HLA-DOB: variants seen among roughly 807,000 people sequenced by gnomAD.
The protein encoded by HLA-DOB is HLA class II histocompatibility antigen, DO beta chain.
A neutral mutation model predicts 27.7 loss-of-function variants in HLA-DOB; 25 were observed. That is an observed-to-expected ratio of 0.90 (90% CI 0.66 to 1.26). HLA-DOB has a LOEUF of 1.26. Ranked by LOEUF, HLA-DOB falls within the 50% of genes most tolerant of loss-of-function variation. HLA-DOB has a pLI of 0.00. For missense variants in HLA-DOB, 306 were observed against 324.9 expected (o/e 0.94, Z 0.45); for synonymous variants, 137 against 125.6 (o/e 1.09, Z -0.61).
intron 1 of HLA-DOB, among the ~76,000 whole-genome samples, chr6:32,816,038 A>G (rs1768005952): frequency 6.6e-6 from 1 of 152,104 alleles, no homozygotes; most frequent in South Asian, 2.1e-4. Flanking sequence ...ATTTTTCATC[A>G]TCATTTAACA....
At chr6:32,815,791 A>G (rs1188790696) in intron 1 of HLA-DOB, among the ~76,000 whole-genome samples, 2 of 152,262 alleles carry the variant, frequency 1.3e-5, no homozygotes, top group African/African-American at 4.8e-5. Context: ...AAGACATTGC[A>G]TCTAAGTCAA....
At position 32,813,241 on chromosome 6, in the gene HLA-DOB, G is replaced by C. The variant is rs1490516525; in HGVS notation, c.797C>G (p.Ala266Gly). 1.2e-6 allele frequency: 2 copies of C among 1,613,030 alleles called. No homozygotes were observed. Among genetic ancestry groups the C allele is most frequent in the Non-Finnish European group, 1.7e-6 (2 of 1,179,980 alleles). Residue 266 changes from alanine (A) to glycine (G), a missense_variant, in exon 6 of 6, where the codon GCT (alanine) becomes GGT (glycine). Coordinates refer to ENST00000438763, the MANE Select transcript of HLA-DOB (RefSeq NM_002120.4). ...TQMSGNEVSR[A>G]VLLPQSC ...TTAGCATGACTGAGGGAGCAGAACA[G>C]CTCTTGAGACCTGGAGGCACAGTGA...
At chr6:32,813,684 C>T (rs2127323491) in intron 4 of HLA-DOB, 39 bp downstream of exon 4, 1 of 1,360,372 alleles carries the variant, frequency 7.4e-7, no homozygotes, top group Middle Eastern at 1.8e-4. Flanking sequence ...TGGGGAAGGT[C>T]TGGGACAGGT....
At chr6:32,813,671 G>A (rs1185153165) in intron 4 of HLA-DOB, 52 bp downstream of exon 4, 9 of 1,240,536 alleles carry the variant, frequency 7.3e-6, no homozygotes, top group Non-Finnish European at 1.0e-5. Context: ...GGGAAGGTGG[G>A]AGTGGGGAAG....
Position 32,814,595 on chromosome 6 carries a change from G to C in HLA-DOB, c.368C>G (p.Pro123Arg). Residue 123 changes from proline to arginine, a missense_variant, in exon 3 of 6, where the codon CCA becomes CGA. By Grantham distance (103) the Pro-to-Arg change is moderately radical. Transcript: ENST00000438763. ...APFTVGRKVQ[P>R]EVTVYPERTP... ...CCTCTCTGGGTACACTGTCACCTCT[G>C]GTTGCACTAGGAAGGGAGGAAAAAT... The C allele has an allele frequency of 6.2e-7, 1 of 1,611,172 alleles. No individual in the cohort carries two copies. The highest frequency in any genetic ancestry group is 1.1e-5 in the South Asian group (1 of 91,044).
rs1467359426 is a variant in HLA-DOB at position 32,814,383 on chromosome 6, C to G, written c.580G>C (p.Gly194Arg). 6.2e-7 allele frequency: 1 copy of G among 1,612,864 alleles called. No homozygotes were observed. Among genetic ancestry groups the G allele is most frequent in the African/African-American group, 1.3e-5 (1 of 74,890 alleles). The change falls in exon 3 of 6, where the codon GGA becomes CGA. Residue 194 changes from glycine to arginine, a missense_variant. Transcript: ENST00000438763. ...TCGACAAGGCAGGTGTAGACATGTC[C>G]AAGTTCAGGAGTCATTTCTAGCATC... Reference protein sequence around the residue: ...VVMLEMTPELGHVYTCLVDHS... With the variant: ...VVMLEMTPELRHVYTCLVDHS...
chr6:32,815,212 G>T lies in HLA-DOB; in HGVS notation c.193C>A (p.Arg65Ser), dbSNP rs147835586. Reference sequence around the variant, plus strand: ...AACATCCCCACATCACTGTCGAAACGTACATACTCCTCCAAGTTAAAGATG... The same window carrying T: ...AACATCCCCACATCACTGTCGAAACTTACATACTCCTCCAAGTTAAAGATG... ...RFIFNLEEYVRFDSDVGMFVA... is the reference protein window; with the variant it reads ...RFIFNLEEYVSFDSDVGMFVA... The change falls in exon 2 of 6, where the codon CGT becomes AGT. Residue 65 changes from arginine to serine, a missense_variant. Arg to Ser is a moderately radical substitution (Grantham distance 110). Coordinates refer to ENST00000438763, the MANE Select transcript of HLA-DOB (RefSeq NM_002120.4). 6.2e-7 allele frequency: 1 copy of T among 1,614,144 alleles called. No homozygotes were observed. Among genetic ancestry groups the T allele is most frequent in the Non-Finnish European group, 8.5e-7 (1 of 1,180,048 alleles).
rs1035747339 is a variant in HLA-DOB, at chr6:32,814,606, G to A, written c.362-5C>T. On this transcript the variant is annotated splice_polypyrimidine_tract_variant and splice_region_variant and intron_variant, in intron 2 of 5. Coordinates refer to ENST00000438763, the MANE Select transcript of HLA-DOB (RefSeq NM_002120.4). ...ACACTGTCACCTCTGGTTGCACTAG[G>A]AAGGGAGGAAAAATGAGACACCGTG... 3.7e-6 allele frequency: 6 copies of A among 1,607,736 alleles called. No individual in the cohort carries two copies. The highest frequency in any genetic ancestry group is 1.3e-5 in the African/African-American group (1 of 74,682).
At chr6:32,813,651 A>T in intron 4 of HLA-DOB, 72 bp downstream of exon 4, 44 of 1,204,088 alleles carry the variant, frequency 3.7e-5, no homozygotes, top group Non-Finnish European at 5.2e-5. Context: ...GCCTCAGATC[A>T]TTGACGTTAG....
chr6:32,813,252 C>A lies in HLA-DOB; in HGVS notation c.787-1G>T, dbSNP rs1248644962. 2 of 1,612,916 alleles carry A rather than the reference C, an allele frequency of 1.2e-6. No individual in the cohort carries two copies. The highest frequency in any genetic ancestry group is 2.7e-5 in the African/African-American group (2 of 74,860). On this transcript the variant is annotated splice_acceptor_variant, in intron 5 of 5. Transcript: ENST00000438763. LOFTEE classifies it high-confidence loss of function. The stretch of plus-strand genomic sequence containing the variant: ...GAGGGAGCAGAACAGCTCTTGAGAC[C>A]TGGAGGCACAGTGATGAAGGTCTCA...
In HLA-DOB at chr6:32,816,907, A is replaced by G. The variant is rs751653725; in HGVS notation, c.45T>C (p.Asn15=). ...WVPWVVALLV[N]LTRLDSSMTQ... is the part of the protein sequence containing the mutation. Reference sequence around the variant, plus strand: ...TCATGGAGGAATCCAGTCGGGTCAGATTCACTAGCAGAGCCACCACCCAGG... The same window carrying G: ...TCATGGAGGAATCCAGTCGGGTCAGGTTCACTAGCAGAGCCACCACCCAGG... The change falls in exon 1 of 6, where the codon AAT becomes AAC. Residue 15 remains asparagine, a synonymous_variant. Coordinates refer to ENST00000438763, the MANE Select transcript of HLA-DOB (RefSeq NM_002120.4). 1.2e-6 allele frequency: 2 copies of G among 1,613,100 alleles called. No individual in the cohort carries two copies. The highest frequency in any genetic ancestry group is 1.7e-6 in the Non-Finnish European group (2 of 1,180,016).
At chr6:32,814,710 T>A in intron 2 of HLA-DOB, 109 bp from the exon 3 acceptor site, 1 of 1,066,644 alleles carries the variant, frequency 9.4e-7, no homozygotes, top group Non-Finnish European at 1.4e-6. Flanking sequence ...ATCACCCAAG[T>A]GAACACAAAG....
At position 32,813,318 on chromosome 6, in the gene HLA-DOB, CAG is replaced by C. The variant is rs748234737; in HGVS notation, c.787-69_787-68del. On this transcript the variant is annotated intron_variant, in intron 5 of 5. Coordinates refer to ENST00000438763, the MANE Select transcript of HLA-DOB (RefSeq NM_002120.4). ...ACCCCCCACAGCCGTTCCAGAGACT[CAG>C]GGGACAGTCCCATCCAGACAGCAGC... 1,634 of 1,596,988 alleles carry C rather than the reference CAG, an allele frequency of 1.0e-3. 1 individual carries two copies. Among genetic ancestry groups the C allele is most frequent in the Non-Finnish European group, 1.3e-3 (1,496 of 1,165,332 alleles).
chr6:32,815,551 C>T lies in HLA-DOB; in HGVS notation c.92-238G>A, dbSNP rs117914977. On this transcript the variant is annotated intron_variant, in intron 1 of 5. Transcript: ENST00000438763. ...CATATTTCTAAAAGCCACTCTCATA[C>T]TTAGAGACTTACCAGACACGTTTAG... 9.1e-3 allele frequency among the ~76,000 whole-genome samples: 1,393 copies of T among 152,314 alleles called. 39 individuals carry two copies. In the East Asian group the frequency reaches 0.12, roughly 13 times the overall value.
Position 32,814,541 on chromosome 6 carries a change from A to G in HLA-DOB, c.422T>C (p.Leu141Pro), listed in dbSNP as rs757726803. The G allele has an allele frequency of 6.8e-6, 11 of 1,613,074 alleles. No homozygotes were observed. In the South Asian group the frequency reaches 1.1e-4, roughly 16 times the overall value. The stretch of plus-strand genomic sequence containing the variant: ...ATAGAAGCCTGTCACAGAGCAGTGC[A>G]GCAGATTATGCTGGTGCAGGAGTGG... Reference protein sequence around the residue: ...RTPLLHQHNLLHCSVTGFYPG... With the variant: ...RTPLLHQHNLPHCSVTGFYPG... The change falls in exon 3 of 6, where the codon CTG becomes CCG. Residue 141 changes from leucine to proline, a missense_variant. Physicochemically the swap from Leu to Pro is moderately conservative, Grantham distance 98. Coordinates refer to ENST00000438763, the MANE Select transcript of HLA-DOB (RefSeq NM_002120.4).
In HLA-DOB at chr6:32,814,474, C is replaced by A. The variant is rs775152204; in HGVS notation, c.489G>T (p.Glu163Asp). Residue 163 changes from glutamate (E) to aspartate (D), a missense_variant, in exon 3 of 6, where the codon GAG becomes GAT. By Grantham distance (45) the Glu-to-Asp change is conservative. Transcript: ENST00000438763. Reference protein sequence around the residue: ...IKIKWFLNGQEERAGVMSTGP... With the variant: ...IKIKWFLNGQDERAGVMSTGP... ...CAGTGGACATGACCCCAGCTCTCTCCTCCTGCCCATTCAGGAACCACTTGA... is the reference window on the plus strand; with the variant it reads ...CAGTGGACATGACCCCAGCTCTCTCATCCTGCCCATTCAGGAACCACTTGA... 1 of 1,613,066 alleles carries A rather than the reference C, an allele frequency of 6.2e-7. No homozygotes were observed. Among genetic ancestry groups the A allele is most frequent in the East Asian group, 2.2e-5 (1 of 44,880 alleles).
chr6:32,814,007 G>A (rs902942792), intron 3 of HLA-DOB, 174 bp from the exon 4 acceptor site: 1 of 616,064 alleles, frequency 1.6e-6, no homozygotes, highest in Non-Finnish European at 2.8e-6. Context: ...CCCCCCATCG[G>A]TTACAGATTC....
chr6:32,812,942 T>A lies in HLA-DOB; in HGVS notation c.*274A>T, dbSNP rs1359724505. On this transcript the variant is annotated 3_prime_UTR_variant, in exon 6 of 6. Transcript: ENST00000438763. ...GCTGGACCACAGAAAAGTAAATGATTTGGGGCTGGAAGGAGTAAGGTCTCA... is the reference window on the plus strand; with the variant it reads ...GCTGGACCACAGAAAAGTAAATGATATGGGGCTGGAAGGAGTAAGGTCTCA... 1 of 541,002 alleles carries A rather than the reference T, an allele frequency of 1.8e-6. No homozygotes were observed. The allele number at this position is 541,002 out of a possible 1,614,324, so 33.5% of individuals were successfully genotyped here.
rs780226787 is a variant in HLA-DOB at position 32,813,084 on chromosome 6, C to T, written c.*132G>A. 5.3e-5 allele frequency: 44 copies of T among 837,298 alleles called. No homozygotes were observed. The highest frequency in any genetic ancestry group is 1.8e-4 in the African/African-American group (11 of 60,258). The allele number at this position is 837,298 out of a possible 1,614,324, so 51.9% of individuals were successfully genotyped here. A position where few individuals can be genotyped will look rare whatever the true frequency, so the allele number is the denominator to read the frequency against. Reference sequence around the variant, plus strand: ...AGAACACAGAGCTCCAGAATCAGTTCGGGCTCCTCCAAGGATCAGGGAAGA... The same window carrying T: ...AGAACACAGAGCTCCAGAATCAGTTTGGGCTCCTCCAAGGATCAGGGAAGA... On this transcript the variant is annotated 3_prime_UTR_variant, in exon 6 of 6. Coordinates refer to ENST00000438763, the MANE Select transcript of HLA-DOB (RefSeq NM_002120.4).
Sources: gnomAD v4.1 joint callset for allele counts (sites outside exome capture counted in the v4.1 genomes callset) on GRCh38, gnomAD v4.1.1 for gene constraint, MANE v1.5 for transcripts, NCBI Gene and HGNC (gene_info 2026-07-23, HGNC 2026-07-21) for gene names.